ABLIM1: variants seen among roughly 807,000 people sequenced by gnomAD.
ABLIM1 encodes the protein actin-binding LIM protein 1.
A neutral mutation model predicts 107.0 loss-of-function variants in ABLIM1; 40 were observed. The ratio of observed to expected loss-of-function variants is 0.37; its 90% CI spans 0.29 to 0.49. The LOEUF is 0.49. ABLIM1 is among the 20% of genes least tolerant of loss of function. The pLI is 0.97. For missense variants in ABLIM1, 857 were observed against 1,008.5 expected (o/e 0.85, Z 2.04); for synonymous variants, 357 against 357.3 (o/e 1.00, Z 0.01).
rs2059248145 is a variant in ABLIM1 at position 114,435,179 on chromosome 10, G to C, written c.*1081C>G. The stretch of plus-strand genomic sequence containing the variant: ...AATACGTTCGAAGGAGTCTACTTTG[G>C]AGTTGCAGAGATTTAAAAGAGAAAA... On this transcript the variant is annotated 3_prime_UTR_variant, in exon 23 of 23. Transcript: ENST00000533213. The C allele has an allele frequency of 6.6e-6, 1 of 152,214 alleles. No individual in the cohort carries two copies. The highest frequency in any genetic ancestry group is 2.4e-5 in the African/African-American group (1 of 41,446). The allele number at this position is 152,214 out of a possible 1,614,324, so 9.4% of individuals were successfully genotyped here. A position where few individuals can be genotyped will look rare whatever the true frequency, so the allele number is the denominator to read the frequency against.
chr10:114,492,223 T>A (rs1246335462), intron 6 of ABLIM1, among the ~76,000 whole-genome samples: 2 of 152,104 alleles, frequency 1.3e-5, no homozygotes, highest in Non-Finnish European at 2.9e-5. Flanking sequence ...TGTTGGGAGC[T>A]AATGCTGTTT....
At chr10:114,713,767 A>T (rs1355313116) in intron 1 of ABLIM1, among the ~76,000 whole-genome samples, 1 of 152,238 alleles carries the variant, frequency 6.6e-6, no homozygotes. Flanking sequence ...GAATAATAAA[A>T]ACAGTGAGGA....
At position 114,446,063 on chromosome 10, in the gene ABLIM1, C is replaced by T. The variant is rs190467193; in HGVS notation, c.1736-660G>A. 1.4e-3 allele frequency among the ~76,000 whole-genome samples: 213 copies of T among 152,368 alleles called. 3 individuals carry two copies. The highest frequency in any genetic ancestry group is 1.9e-3 in the East Asian group (10 of 5,186). ...CTGGGATTACAGGCGTGAGCCACCA[C>T]GCCCAGCCTCAATTTTCAAATAGAA... is the stretch of plus-strand genomic sequence containing the variant. On this transcript the variant is annotated intron_variant, in intron 15 of 22. Transcript: ENST00000533213.
intron 6 of ABLIM1, among the ~76,000 whole-genome samples, chr10:114,500,804 G>A (rs1220882898): frequency 1.7e-5 from 2 of 120,906 alleles, no homozygotes; most frequent in East Asian, 3.0e-4. Flanking sequence ...AGCCTACTAC[G>A]TAGGATTGTT....
At chr10:114,671,702 G>A (rs1031700546) in intron 1 of ABLIM1, among the ~76,000 whole-genome samples, 1 of 152,150 alleles carries the variant, frequency 6.6e-6, no homozygotes. Flanking sequence ...TATTGAAATG[G>A]TGTCTCATTG....
intron 19 of ABLIM1, chr10:114,440,754 C>A: frequency 1.8e-6 from 1 of 562,698 alleles, no homozygotes; most frequent in East Asian, 3.8e-5. Context: ...AGCCACCATG[C>A]CTGGCCTCTA....
intron 1 of ABLIM1, among the ~76,000 whole-genome samples, chr10:114,645,797 G>A (rs187577510): frequency 3.3e-4 from 51 of 152,258 alleles, no homozygotes; most frequent in African/African-American, 1.2e-3. Flanking sequence ...ACTACCAACT[G>A]CCTCATAAAT....
At chr10:114,636,929 A>T (rs373496197) in intron 1 of ABLIM1, among the ~76,000 whole-genome samples, 46 of 150,114 alleles carry the variant, frequency 3.1e-4, no homozygotes, top group African/African-American at 1.1e-3. Flanking sequence ...AATACTTGGG[A>T]GGCTGAGGCA....
intron 4 of ABLIM1, among the ~76,000 whole-genome samples, chr10:114,550,660 T>C (rs998683973): frequency 5.9e-5 from 9 of 152,148 alleles, no homozygotes; most frequent in African/African-American, 2.2e-4. Context: ...TCTTATAGTA[T>C]CATACAGAGT....
intron 12 of ABLIM1, among the ~76,000 whole-genome samples, chr10:114,465,096 T>C (rs2064871319): frequency 6.6e-6 from 1 of 152,200 alleles, no homozygotes; most frequent in Non-Finnish European, 1.5e-5. Flanking sequence ...CAAGTCTGAT[T>C]GAAAATCTTA....
intron 1 of ABLIM1, among the ~76,000 whole-genome samples, chr10:114,639,709 G>A (rs997908009): frequency 6.6e-6 from 1 of 152,230 alleles, no homozygotes; most frequent in Non-Finnish European, 1.5e-5. Context: ...TTAATGCTTT[G>A]CTATTGCCAT....
rs546770139 is a variant in ABLIM1 at position 114,702,122 on chromosome 10, A to G, written c.-213+65939T>C. Among the ~76,000 whole-genome samples the G allele has an allele frequency of 3.3e-5, 5 of 152,344 alleles. No individual in the cohort carries two copies. In the South Asian group the frequency reaches 6.2e-4, roughly 19 times the overall value. ...TAGAATTCTAATAGTTTGGGCTTAA[A>G]AAATTCAGCTGGTTGATTTTCATTA... is the stretch of plus-strand genomic sequence containing the variant. On this transcript the variant is annotated intron_variant, in intron 1 of 15. Transcript: ENST00000651092.
chr10:114,619,857 T>C lies in ABLIM1; in HGVS notation c.245-17896A>G, dbSNP rs2077356865. 6.6e-6 allele frequency among the ~76,000 whole-genome samples: 1 copy of C among 152,226 alleles called. No individual in the cohort carries two copies. Among genetic ancestry groups the C allele is most frequent in the Non-Finnish European group, 1.5e-5 (1 of 68,044 alleles). ...CTCTGAATTTAACAGTTGGGTTAGT[T>C]CTTAATTGTATCAAGCACCCAAGAC... On this transcript the variant is annotated intron_variant, in intron 1 of 22. Transcript: ENST00000533213. This position sits in a 1 kb window ranked among gnomAD's most constrained non-coding sequence, Gnocchi z 4.1.
intron 1 of ABLIM1, among the ~76,000 whole-genome samples, chr10:114,724,852 C>T (rs1238478830): frequency 6.6e-6 from 1 of 152,182 alleles, no homozygotes; most frequent in Non-Finnish European, 1.5e-5. Flanking sequence ...GAGTTGGCTG[C>T]AGGGTGCTCC....
the ABLIM1 span, among the ~76,000 whole-genome samples, chr10:114,784,665 CAAAAAAAA>C: frequency 8.0e-5 from 7 of 88,000 alleles, no homozygotes; most frequent in Admixed American, 9.1e-4. Flanking sequence ...AGACTCACCT[CAAAAAAAA>C]AAAAAAAAAA....
Position 114,439,216 on chromosome 10 carries a change from A to T in ABLIM1, c.2102T>A (p.Met701Lys), listed in dbSNP as rs2059851980. 1.9e-6 allele frequency: 3 copies of T among 1,614,256 alleles called. No individual in the cohort carries two copies. The highest frequency in any genetic ancestry group is 2.5e-6 in the Non-Finnish European group (3 of 1,180,046). The change falls in exon 21 of 23, where the codon ATG becomes AAG. Residue 701 changes from methionine (M) to lysine (K), a missense_variant. By Grantham distance (95) the Met-to-Lys change is moderately conservative (BLOSUM62 -1). Transcript: ENST00000533213. ...LPDGHMPAMR[M>K]DRGVSMPNML... ...GTTGGGCATAGACACTCCTCGGTCC[A>T]TTCTCATTGCAGGCATGTGGCCATC...
At chr10:114,515,710 T>C (rs1318806498) in intron 6 of ABLIM1, among the ~76,000 whole-genome samples, 2 of 152,210 alleles carry the variant, frequency 1.3e-5, no homozygotes, top group Non-Finnish European at 1.5e-5. Context: ...AATGAGCTCA[T>C]ACTGGAATAG....
chr10:114,464,079 T>C (rs945506020), intron 12 of ABLIM1, among the ~76,000 whole-genome samples: 1 of 152,152 alleles, frequency 6.6e-6, no homozygotes, highest in African/African-American at 2.4e-5. Context: ...TTCAGGGGTC[T>C]TTGGAACAAC....
chr10:114,438,853 C>G (rs901632164), intron 21 of ABLIM1, among the ~76,000 whole-genome samples: 1 of 152,208 alleles, frequency 6.6e-6, no homozygotes. Context: ...AGGGTTGCCT[C>G]ACCTACATGG....
Sources: gnomAD v4.1 joint callset for allele counts (sites outside exome capture counted in the v4.1 genomes callset) on GRCh38, gnomAD v4.1.1 for gene constraint, Gnocchi (gnomAD v3.1) non-coding constraint, MANE v1.5 for transcripts, NCBI Gene and HGNC (gene_info 2026-07-23, HGNC 2026-07-21) for gene names.